PTRH1: variants seen among roughly 807,000 people sequenced by gnomAD.
The protein encoded by PTRH1 is peptidyl-tRNA hydrolase.
Under a neutral mutation model 15.7 loss-of-function variants are expected in PTRH1, and 13 were observed. The observed-to-expected ratio is 0.83, with a 90% confidence interval of 0.54 to 1.31. The LOEUF is 1.31. Ranked by LOEUF, PTRH1 falls within the 40% of genes most tolerant of loss-of-function variation. The pLI, the probability that PTRH1 is intolerant of heterozygous loss-of-function variation, is 0.00. For synonymous variants in PTRH1, 139 were observed against 136.7 expected (o/e 1.02, Z -0.12); for missense variants, 319 against 296.2 (o/e 1.08, Z -0.56).
rs1210650858 is a variant in PTRH1 at position 127,714,106 on chromosome 9, C to T, written c.639G>A (p.Gly213=). 3 of 1,612,444 alleles carry T rather than the reference C, an allele frequency of 1.9e-6. No individual in the cohort carries two copies. Among genetic ancestry groups the T allele is most frequent in the Non-Finnish European group, 8.5e-7 (1 of 1,179,538 alleles). Residue 213 remains glycine (G), a synonymous_variant, in exon 5 of 5, where the codon GGG becomes GGA. Transcript: ENST00000543175. ...IRERSQGPSL[G]P ...GCAGCCATGGCCACTAGTGTCACGG[C>T]CCCAGTGAGGGCCCCTGGCTTCGCT...
At chr9:127,714,508 G>T in intron 3 of PTRH1, 84 bp from the exon 4 acceptor site, 1 of 1,598,276 alleles carries the variant, frequency 6.3e-7, no homozygotes. Flanking sequence ...GGTCAGAGCA[G>T]CCCATTTCCT....
chr9:127,711,293 A>G (rs1842760239), downstream of PTRH1: 3 of 1,614,190 alleles, frequency 1.9e-6, no homozygotes, highest in Non-Finnish European at 2.5e-6. Flanking sequence ...GGTGACCACG[A>G]ACCGGATGTG....
At position 127,705,742 on chromosome 9, in the gene PTRH1, A is replaced by G. The variant is rs1236228609; in HGVS notation, c.205+9693T>C. On this transcript the variant is annotated intron_variant, in intron 1 of 2. Coordinates refer to the PTRH1 transcript ENST00000335223. This position sits in a 1 kb window ranked among gnomAD's most constrained non-coding sequence, Gnocchi z 4.7. ...GGCAATGTCCAGCAGGAGCAGGGCC[A>G]TCGCATTGAGCTGGAAGGGCACTGG... 1.3e-5 allele frequency among the ~76,000 whole-genome samples: 2 copies of G among 152,222 alleles called. No individual in the cohort carries two copies. The highest frequency in any genetic ancestry group is 1.3e-4 in the Admixed American group (2 of 15,290).
intron 1 of PTRH1, among the ~76,000 whole-genome samples, chr9:127,707,948 GCTCA>G (rs1475993092): frequency 1.3e-5 from 2 of 152,258 alleles, no homozygotes; most frequent in African/African-American, 2.4e-5. Flanking sequence ...ATGGGCTGGT[GCTCA>G]CTGAGTCCTC....
chr9:127,699,019 G>T (rs1171275022), intron 1 of PTRH1, among the ~76,000 whole-genome samples: 1 of 150,874 alleles, frequency 6.6e-6, no homozygotes, highest in Non-Finnish European at 1.5e-5. Flanking sequence ...TCCCTCCTTA[G>T]CCTCTGGAGT....
downstream of PTRH1, chr9:127,713,327 C>T (rs1842812760): frequency 1.3e-6 from 1 of 771,694 alleles, no homozygotes; most frequent in Admixed American, 3.5e-5. Context: ...CTGAGCCTTC[C>T]CATCTGTAAA....
In PTRH1 at chr9:127,715,640, G is replaced by A. The variant is rs1842956846; in HGVS notation, c.-1C>T. The stretch of plus-strand genomic sequence containing the variant: ...CGCCCAAAAAGCCGCCCGGCCTCAT[G>A]CTGCCCCCATTCACTCCGACACCGC... On this transcript the variant is annotated 5_prime_UTR_variant, in exon 1 of 5. Transcript: ENST00000543175. The surrounding 1 kb of genome is among the most constrained non-coding windows in gnomAD (Gnocchi z 5.8). 6.2e-7 allele frequency: 1 copy of A among 1,611,358 alleles called. No individual in the cohort carries two copies. Among genetic ancestry groups the A allele is most frequent in the Non-Finnish European group, 8.5e-7 (1 of 1,179,714 alleles).
chr9:127,707,309 G>A (rs1842668726), intron 1 of PTRH1: 3 of 1,094,518 alleles, frequency 2.7e-6, no homozygotes, highest in African/African-American at 3.2e-5. Context: ...CCCCTGGGAT[G>A]TCCAGACCCC....
At chr9:127,696,372 C>G (rs942769269) in intron 1 of PTRH1, among the ~76,000 whole-genome samples, 1 of 152,208 alleles carries the variant, frequency 6.6e-6, no homozygotes, top group Non-Finnish European at 1.5e-5. Context: ...GTGCCAGGCA[C>G]TGAGTGCTTT....
At chr9:127,703,138 A>G (rs747142624) in intron 1 of PTRH1, among the ~76,000 whole-genome samples, 1 of 152,020 alleles carries the variant, frequency 6.6e-6, no homozygotes, top group African/African-American at 2.4e-5. Context: ...TCTATTGCCC[A>G]ATTCTAGAAT....
chr9:127,703,530 G>A (rs1842619968), intron 1 of PTRH1, among the ~76,000 whole-genome samples: 1 of 152,100 alleles, frequency 6.6e-6, no homozygotes, highest in Non-Finnish European at 1.5e-5. Flanking sequence ...TAAACTGATT[G>A]GTTGTAATTT....
intron 1 of PTRH1, among the ~76,000 whole-genome samples, chr9:127,696,182 A>C (rs2131574545): frequency 6.6e-6 from 1 of 152,174 alleles, no homozygotes; most frequent in South Asian, 2.1e-4. Context: ...CAAAAAATTA[A>C]AAAATTACCC....
chr9:127,714,431 G>A lies in PTRH1; in HGVS notation c.417-7C>T, dbSNP rs977872129. ...ACGGACTCCATTGTGGCCCCTTCAA[G>A]GGATATGGGAGGGGCAGTTAGTGCC... On this transcript the variant is annotated splice_region_variant and splice_polypyrimidine_tract_variant and intron_variant, in intron 3 of 4. Transcript: ENST00000543175. The A allele has an allele frequency of 6.2e-6, 10 of 1,613,996 alleles. No homozygotes were observed. The highest frequency in any genetic ancestry group is 8.5e-6 in the Non-Finnish European group (10 of 1,179,972).
intron 1 of PTRH1, among the ~76,000 whole-genome samples, chr9:127,708,438 C>T (rs959182662): frequency 1.2e-4 from 18 of 152,252 alleles, no homozygotes; most frequent in Admixed American, 1.0e-3. Context: ...GATCGTGCCA[C>T]TGCACTCCAA....
At chr9:127,711,141 C>G, downstream of PTRH1, 2 of 1,507,946 alleles carry the variant, frequency 1.3e-6, no homozygotes, top group Non-Finnish European at 1.8e-6. Context: ...TTTAACAGCC[C>G]TAGGTGCTCT....
chr9:127,710,799 C>A, downstream of PTRH1: 1 of 1,546,324 alleles, frequency 6.5e-7, no homozygotes, highest in East Asian at 2.4e-5. Context: ...GGCTTCATCC[C>A]TGGGGCTACG....
chr9:127,699,648 T>G (rs1418696718), intron 1 of PTRH1, among the ~76,000 whole-genome samples: 1 of 152,074 alleles, frequency 6.6e-6, no homozygotes, highest in African/African-American at 2.4e-5. Context: ...CGTTCCATAT[T>G]TTTTCCATGT....
rs532352548 is a variant in PTRH1 at position 127,714,468 on chromosome 9, G to C, written c.417-44C>G. On this transcript the variant is annotated intron_variant, in intron 3 of 4. Coordinates refer to ENST00000543175, the MANE Select transcript of PTRH1 (RefSeq NM_001002913.3). ...GGGCAGTTAGTGCCTCCCTGGGGCA[G>C]TGTCCTTCCACCCCTCCCTGCCCCG... 7.4e-6 allele frequency: 12 copies of C among 1,611,126 alleles called. No individual in the cohort carries two copies. In the South Asian group the frequency reaches 1.3e-4, roughly 18 times the overall value.
At position 127,714,818 on chromosome 9, in the gene PTRH1, G is replaced by A. The variant is rs573043979; in HGVS notation, c.317-116C>T. On this transcript the variant is annotated intron_variant, in intron 2 of 4. Transcript: ENST00000543175. ...CCACTTCACATATAAAGAAACTGAG[G>A]CCCCCCGAAGTACCCAAAGCCATGC... The A allele has an allele frequency of 5.5e-6, 6 of 1,083,326 alleles. No individual in the cohort carries two copies. In the African/African-American group the frequency reaches 9.4e-5, roughly 17 times the overall value. The allele number at this position is 1,083,326 out of a possible 1,614,324, so 67.1% of individuals were successfully genotyped here. A position where few individuals can be genotyped will look rare whatever the true frequency, so the allele number is the denominator to read the frequency against.
Sources: gnomAD v4.1 joint callset for allele counts (sites outside exome capture counted in the v4.1 genomes callset) on GRCh38, gnomAD v4.1.1 for gene constraint, Gnocchi (gnomAD v3.1) non-coding constraint, MANE v1.5 for transcripts, NCBI Gene and HGNC (gene_info 2026-07-23, HGNC 2026-07-21) for gene names.